Variants in TMEM131L observed in about 807,000 individuals in gnomAD.
TMEM131L encodes transmembrane protein 131-like.
In TMEM131L, 54 loss-of-function variants were observed where a neutral mutation model predicts 192.2. The observed-to-expected ratio is 0.28, with a 90% confidence interval of 0.23 to 0.35. TMEM131L has a LOEUF of 0.35. Ranked by LOEUF, TMEM131L falls within the 10% of genes least tolerant of loss-of-function variation. TMEM131L has a pLI of 1.00. For missense variants in TMEM131L, 1,888 were observed against 1,972.9 expected (o/e 0.96, Z 0.82); for synonymous variants, 701 against 704.9 (o/e 0.99, Z 0.09).
chr4:153,552,657 CCT>C (rs1207230845), intron 4 of TMEM131L, among the ~76,000 whole-genome samples: 2 of 152,036 alleles, frequency 1.3e-5, no homozygotes, highest in Non-Finnish European at 2.9e-5. Context: ...ACTGTGAGAC[CCT>C]GTCTCCATAA....
chr4:153,466,378 AGAG>A lies in TMEM131L; in HGVS notation c.-16_-14del. ...TAGCGGCGAGCGCGGCGAGCAACGG[AGAG>A]GAGCGCGAGCAGCAGCATGGCGGGG... On this transcript the variant is annotated 5_prime_UTR_variant, in exon 1 of 35. Coordinates refer to ENST00000409959, the MANE Select transcript of TMEM131L (RefSeq NM_001131007.2). 7.8e-7 allele frequency: 1 copy of A among 1,283,774 alleles called. No homozygotes were observed. Among genetic ancestry groups the A allele is most frequent in the African/African-American group, 1.5e-5 (1 of 64,946 alleles). 79.5% of individuals were successfully genotyped at this position (1,283,774 alleles called of 1,614,324 possible).
intron 23 of TMEM131L, 39 bp downstream of exon 23, chr4:153,602,766 G>T: frequency 6.3e-7 from 1 of 1,587,890 alleles, no homozygotes; most frequent in Non-Finnish European, 8.6e-7. Context: ...TCACTGAGTA[G>T]AGAAGTCATC....
chr4:153,594,185 C>G (rs1307438864), intron 19 of TMEM131L, among the ~76,000 whole-genome samples: 1 of 152,006 alleles, frequency 6.6e-6, no homozygotes, highest in African/African-American at 2.4e-5. Flanking sequence ...CTTAAGATTC[C>G]TTGGCCCTCA....
At chr4:153,635,623 T>G (rs1452465591) in intron 34 of TMEM131L, 52 bp downstream of exon 34, 3 of 1,593,550 alleles carry the variant, frequency 1.9e-6, no homozygotes, top group Non-Finnish European at 2.6e-6. Flanking sequence ...CTGAATTGTT[T>G]CCACTGCTTC....
At chr4:153,466,599 A>T (rs1000350937) in intron 1 of TMEM131L, 78 bp downstream of exon 1, 1 of 1,208,300 alleles carries the variant, frequency 8.3e-7, no homozygotes, top group Admixed American at 4.2e-5. Context: ...GCTGAAATCT[A>T]TAAGAGGGCG....
At position 153,513,649 on chromosome 4, in the gene TMEM131L, C is replaced by T. The variant is rs138807899; in HGVS notation, c.240-36424C>T. Among the ~76,000 whole-genome samples the T allele has an allele frequency of 8.2e-3, 1,243 of 152,258 alleles. 9 individuals carry two copies. The highest frequency in any genetic ancestry group is 0.015 in the South Asian group (74 of 4,820). The stretch of plus-strand genomic sequence containing the variant: ...TGCTTAAAACTGGCTTTTGTTGCTC[C>T]CATTTCCCATCTGGTCTGTAGCCAG... On this transcript the variant is annotated intron_variant, in intron 3 of 34. Transcript: ENST00000409959.
intron 3 of TMEM131L, among the ~76,000 whole-genome samples, chr4:153,530,107 A>G (rs1463731122): frequency 2.0e-5 from 3 of 148,630 alleles, no homozygotes; most frequent in Non-Finnish European, 3.0e-5. Context: ...TGTGTTTTAT[A>G]CTTTTATCCA....
At chr4:153,523,388 G>A (rs935921458) in intron 3 of TMEM131L, among the ~76,000 whole-genome samples, 4 of 152,168 alleles carry the variant, frequency 2.6e-5, no homozygotes, top group Non-Finnish European at 5.9e-5. Flanking sequence ...TAGCAGAGGG[G>A]ACTAGCTATT....
Position 153,620,787 on chromosome 4 carries a change from A to G in TMEM131L, c.3599A>G (p.Gln1200Arg), listed in dbSNP as rs1465949055. 1.9e-6 allele frequency: 3 copies of G among 1,567,066 alleles called. No individual in the cohort carries two copies. The highest frequency in any genetic ancestry group is 1.4e-5 in the African/African-American group (1 of 73,194). ...QEDPYRKKKL[Q>R]EKREGNLQNL... ...GATCCTTATAGGAAGAAAAAGCTTC[A>G]GGAGAAAAGAGAAGGAAATTTACAA... The change falls in exon 27 of 35, where the codon CAG (glutamine) becomes CGG (arginine). Residue 1200 changes from glutamine to arginine, a missense_variant. By Grantham distance (43) the Gln-to-Arg change is conservative (BLOSUM62 1). Transcript: ENST00000409959.
At chr4:153,600,340 G>A (rs143382606) in intron 21 of TMEM131L, among the ~76,000 whole-genome samples, 2,677 of 150,904 alleles carry the variant, frequency 0.018, 38 homozygotes, top group Middle Eastern at 0.031. Context: ...GCACTCCAGC[G>A]TGGGTGACAG....
chr4:153,585,044 G>A (rs546083096), intron 12 of TMEM131L, 113 bp downstream of exon 12: 86 of 836,518 alleles, frequency 1.0e-4, no homozygotes, highest in Middle Eastern at 2.3e-4. Context: ...TCTCTCACTG[G>A]CCTTGCCTCC....
intron 9 of TMEM131L, among the ~76,000 whole-genome samples, chr4:153,582,036 C>G (rs372818701): frequency 9.1e-4 from 139 of 152,228 alleles, no homozygotes; most frequent in African/African-American, 3.3e-3. Flanking sequence ...AATGTGTGTC[C>G]TACTTATCAG....
At chr4:153,556,127 G>A (rs183713672) in intron 5 of TMEM131L, among the ~76,000 whole-genome samples, 435 of 150,784 alleles carry the variant, frequency 2.9e-3, no homozygotes, top group Middle Eastern at 0.014. Context: ...GGGGGGAGGT[G>A]GGGGGTTGGG....
chr4:153,636,162 C>A, intron 34 of TMEM131L, 139 bp from the exon 35 acceptor site: 1 of 862,294 alleles, frequency 1.2e-6, no homozygotes, highest in Non-Finnish European at 1.7e-6. Context: ...GGAGTTAAAG[C>A]AACCCAGATT....
intron 29 of TMEM131L, among the ~76,000 whole-genome samples, chr4:153,625,350 C>A (rs1039898054): frequency 3.3e-5 from 5 of 151,976 alleles, no homozygotes; most frequent in Admixed American, 2.6e-4. Flanking sequence ...GAGATCGCCA[C>A]TGCACTCCAG....
chr4:153,480,836 G>A (rs1296322186), intron 3 of TMEM131L, among the ~76,000 whole-genome samples: 2 of 152,150 alleles, frequency 1.3e-5, no homozygotes, highest in African/African-American at 2.4e-5. Flanking sequence ...CAAAATTACT[G>A]TGTCCTGAAC....
In TMEM131L at chr4:153,583,596, G is replaced by A. The variant is rs556378667; in HGVS notation, c.984G>A (p.Leu328=). The A allele has an allele frequency of 3.1e-6, 5 of 1,611,946 alleles. No individual in the cohort carries two copies. The East Asian group carries it at 1.1e-4, about 36-fold the overall frequency. The part of the protein sequence containing the change: ...DIRHFSQRDA[L]SLQFEPVLLP... The stretch of plus-strand genomic sequence containing the variant: ...GCCATTTCTCACAGAGAGATGCTCT[G>A]TCTCTGCAGTTTGAACCAGTACTAC... Residue 328 remains leucine, a synonymous_variant, in exon 11 of 35, where the codon CTG becomes CTA. Coordinates refer to ENST00000409959, the MANE Select transcript of TMEM131L (RefSeq NM_001131007.2).
At position 153,636,226 on chromosome 4, in the gene TMEM131L, C is replaced by T. The variant is rs377391200; in HGVS notation, c.4558-75C>T. ...AGTAACTTGATAGCATTGTAGTATT[C>T]GCTGATGTGTATTCACCTTTCTAAG... On this transcript the variant is annotated intron_variant, in intron 34 of 34. Coordinates refer to ENST00000409959, the MANE Select transcript of TMEM131L (RefSeq NM_001131007.2). The T allele has an allele frequency of 7.6e-5, 99 of 1,296,354 alleles. No individual in the cohort carries two copies. In the African/African-American group the frequency reaches 9.0e-4, roughly 12 times the overall value. 80.3% of individuals were successfully genotyped at this position (1,296,354 alleles called of 1,614,324 possible).
chr4:153,482,901 CT>C (rs777260573), intron 3 of TMEM131L, among the ~76,000 whole-genome samples: 5 of 152,078 alleles, frequency 3.3e-5, no homozygotes, highest in Non-Finnish European at 7.4e-5. Context: ...CCTAAAAACA[CT>C]TTTGGTTCCT....
Sources: allele counts gnomAD v4.1 joint callset (sites outside exome capture counted in the v4.1 genomes callset), GRCh38; gene constraint gnomAD v4.1.1; transcripts MANE v1.5; gene names NCBI Gene and HGNC (gene_info 2026-07-23, HGNC 2026-07-21).